KATNA1: variants seen among roughly 807,000 people sequenced by gnomAD.
The protein encoded by KATNA1 is katanin catalytic subunit A1.
Under a neutral mutation model 62.6 loss-of-function variants are expected in KATNA1, and 42 were observed. That is an observed-to-expected ratio of 0.67 (90% CI 0.52 to 0.87). The LOEUF (loss-of-function observed/expected upper bound fraction) is 0.87. Ranked by LOEUF, KATNA1 falls within the 40% of genes least tolerant of loss-of-function variation. KATNA1 has a pLI of 0.00. For synonymous variants in KATNA1, 186 were observed against 201.9 expected, an observed-to-expected ratio of 0.92 and a Z score of 0.67; for missense variants, 498 against 612.5, an observed-to-expected ratio of 0.81 and a Z score of 1.97.
intron 3 of KATNA1, among the ~76,000 whole-genome samples, chr6:149,629,311 A>G (rs189266137): frequency 2.6e-5 from 4 of 152,126 alleles, no homozygotes; most frequent in Admixed American, 1.3e-4. Context: ...TAAGGAAGTA[A>G]GTAAGAGTCC....
rs566819287 is a variant in KATNA1, at chr6:149,625,605, G to A, written c.321-2322C>T. Among the ~76,000 whole-genome samples the A allele has an allele frequency of 2.6e-4, 40 of 152,036 alleles. 1 individual carries two copies. The Middle Eastern group carries it at 0.024, about 90-fold the overall frequency. ...AGATTGCACCACTGCACTCCAGCCT[G>A]GGAAACAGACCACGACTGTCTCAAA... On this transcript the variant is annotated intron_variant, in intron 3 of 10. Coordinates refer to ENST00000367411, the MANE Select transcript of KATNA1 (RefSeq NM_007044.4).
chr6:149,616,773 G>T (rs1022034518), intron 4 of KATNA1, among the ~76,000 whole-genome samples: 2 of 151,998 alleles, frequency 1.3e-5, no homozygotes, highest in African/African-American at 4.8e-5. Context: ...ATTAAAAATG[G>T]AATTACCATA....
intron 4 of KATNA1, among the ~76,000 whole-genome samples, chr6:149,614,415 C>T (rs1254317043): frequency 6.6e-6 from 1 of 152,098 alleles, no homozygotes; most frequent in Admixed American, 6.5e-5. Flanking sequence ...TCTTTTTTCC[C>T]TTTTGGGGAA....
At position 149,606,256 on chromosome 6, in the gene KATNA1, T is replaced by C. The variant is rs564832180; in HGVS notation, c.502-1474A>G. On this transcript the variant is annotated intron_variant, in intron 4 of 10. Transcript: ENST00000367411. ...TGTTTGAACCTAACTTCTTCATAAA[T>C]GGATAGGTATTTTTCATAAGTGGAT... Among the ~76,000 whole-genome samples, 11 of 152,240 alleles carry C rather than the reference T, an allele frequency of 7.2e-5. No individual in the cohort carries two copies. The South Asian group carries it at 1.9e-3, about 26-fold the overall frequency.
At chr6:149,596,976 G>A (rs779968286) in intron 10 of KATNA1, 87 bp downstream of exon 10, 42 of 1,376,938 alleles carry the variant, frequency 3.1e-5, no homozygotes, top group African/African-American at 1.0e-4. Context: ...GCAACAGAGC[G>A]AGACTGTGTC....
At chr6:149,601,544 C>T in intron 7 of KATNA1, 50 bp downstream of exon 7, 3 of 1,490,358 alleles carry the variant, frequency 2.0e-6, no homozygotes, top group Non-Finnish European at 2.7e-6. Flanking sequence ...AGCTCACTTT[C>T]TCCCCTTTTA....
chr6:149,601,696 T>C lies in KATNA1; in HGVS notation c.786A>G (p.Val262=), dbSNP rs1473968217. The C allele has an allele frequency of 1.2e-6, 2 of 1,612,642 alleles. No homozygotes were observed. Among genetic ancestry groups the C allele is most frequent in the Non-Finnish European group, 1.7e-6 (2 of 1,179,648 alleles). Reference sequence around the variant, plus strand: ...AGAATGTTGTCTTGCATTCTGTAGCTACTGCTTTAGCAAGGAGCGTCTTCC... The same window carrying C: ...AGAATGTTGTCTTGCATTCTGTAGCCACTGCTTTAGCAAGGAGCGTCTTCC... ...GTGKTLLAKA[V]ATECKTTFFN... is the part of the protein sequence containing the mutation. Residue 262 remains valine, a synonymous_variant, in exon 7 of 11, where the codon GTA becomes GTG. Coordinates refer to ENST00000367411, the MANE Select transcript of KATNA1 (RefSeq NM_007044.4).
intron 3 of KATNA1, among the ~76,000 whole-genome samples, chr6:149,624,788 A>G (rs1225397397): frequency 1.3e-5 from 2 of 151,744 alleles, no homozygotes; most frequent in South Asian, 2.1e-4. Flanking sequence ...GAAAACAAAC[A>G]AACAAAAAAG....
In KATNA1 at chr6:149,603,267, C is replaced by T. The variant is rs1275285242; in HGVS notation, c.729+1G>A. On this transcript the variant is annotated splice_donor_variant, in intron 6 of 10. Coordinates refer to ENST00000367411, the MANE Select transcript of KATNA1 (RefSeq NM_007044.4). LOFTEE classifies it high-confidence loss of function. Reference sequence around the variant, plus strand: ...CAATGCCATCACAGTAATAAACTTACTTTCCATGGTCTCCTAATGCCCTTA... The same window carrying T: ...CAATGCCATCACAGTAATAAACTTATTTTCCATGGTCTCCTAATGCCCTTA... The T allele has an allele frequency of 2.8e-6, 4 of 1,409,988 alleles. No homozygotes were observed. Among genetic ancestry groups the T allele is most frequent in the Non-Finnish European group, 3.0e-6 (3 of 1,012,182 alleles). The allele number at this position is 1,409,988 out of a possible 1,614,324, so 87.3% of individuals were successfully genotyped here. A position where few individuals can be genotyped will look rare whatever the true frequency, so the allele number is the denominator to read the frequency against.
chr6:149,597,706 C>T (rs1778382439), intron 8 of KATNA1, 65 bp from the exon 9 acceptor site: 1 of 1,471,766 alleles, frequency 6.8e-7, no homozygotes, highest in Admixed American at 1.9e-5. Flanking sequence ...TGAAGCTCAG[C>T]TATTTAAAGA....
At chr6:149,637,810 C>T (rs886493166) in intron 2 of KATNA1, among the ~76,000 whole-genome samples, 2 of 151,622 alleles carry the variant, frequency 1.3e-5, no homozygotes, top group African/African-American at 2.4e-5. Flanking sequence ...AACTCTGTCT[C>T]GAGGAAAAAA....
intron 6 of KATNA1, among the ~76,000 whole-genome samples, chr6:149,602,608 C>T (rs1778589101): frequency 1.3e-5 from 2 of 151,840 alleles, no homozygotes; most frequent in African/African-American, 2.4e-5. Context: ...GAGAACAATC[C>T]CCAAAATACA....
At chr6:149,624,445 C>G (rs1009125321) in intron 3 of KATNA1, among the ~76,000 whole-genome samples, 3 of 151,874 alleles carry the variant, frequency 2.0e-5, no homozygotes, top group African/African-American at 7.3e-5. Context: ...GAGACAAGGT[C>G]TTGCTCTGTC....
At chr6:149,618,607 A>C (rs1031622952) in intron 4 of KATNA1, among the ~76,000 whole-genome samples, 6 of 152,234 alleles carry the variant, frequency 3.9e-5, no homozygotes, top group Non-Finnish European at 8.8e-5. Context: ...AGTAACCAAA[A>C]CAGCATGGTA....
chr6:149,610,335 A>G (rs575579844), intron 4 of KATNA1, among the ~76,000 whole-genome samples: 1 of 151,940 alleles, frequency 6.6e-6, no homozygotes, highest in Non-Finnish European at 1.5e-5. Flanking sequence ...ATAGAGCTCA[A>G]TAACACCACC....
intron 7 of KATNA1, among the ~76,000 whole-genome samples, chr6:149,600,144 T>C (rs1282962086): frequency 7.0e-6 from 1 of 142,622 alleles, no homozygotes; most frequent in Non-Finnish European, 1.5e-5. Flanking sequence ...TGATTGTGCC[T>C]GTGAATAACC....
chr6:149,616,949 T>C (rs1056087719), intron 4 of KATNA1, among the ~76,000 whole-genome samples: 1 of 152,154 alleles, frequency 6.6e-6, no homozygotes, highest in Admixed American at 6.6e-5. Flanking sequence ...GCATGAAATA[T>C]ATATGCAATG....
At chr6:149,602,865 G>T (rs889524873) in intron 6 of KATNA1, among the ~76,000 whole-genome samples, 1 of 151,992 alleles carries the variant, frequency 6.6e-6, no homozygotes, top group Non-Finnish European at 1.5e-5. Context: ...GGGATTACAG[G>T]CACGCACAAC....
At chr6:149,646,462 G>A (rs1464671005) in intron 1 of KATNA1, among the ~76,000 whole-genome samples, 1 of 152,168 alleles carries the variant, frequency 6.6e-6, no homozygotes, top group African/African-American at 2.4e-5. Flanking sequence ...ACATTGGTAA[G>A]TAATTTTCAG....
Sources: allele counts gnomAD v4.1 joint callset (sites outside exome capture counted in the v4.1 genomes callset), GRCh38; gene constraint gnomAD v4.1.1; transcripts MANE v1.5; gene names NCBI Gene and HGNC (gene_info 2026-07-23, HGNC 2026-07-21).